Variants in ASTN1 observed in about 807,000 individuals in gnomAD.
ASTN1 encodes astrotactin 1.
ASTN1 carries 41 observed loss-of-function variants against 140.7 expected under a neutral mutation model. That is an observed-to-expected ratio of 0.29 (90% CI 0.23 to 0.38). ASTN1 has a LOEUF of 0.38. Ranked by LOEUF, ASTN1 falls within the 10% of genes least tolerant of loss-of-function variation. ASTN1 has a pLI of 1.00. For missense variants in ASTN1, 1,479 were observed against 1,678.8 expected (o/e 0.88, Z 2.08); for synonymous variants, 640 against 652.2 (o/e 0.98, Z 0.29).
At chr1:177,022,774 A>T (rs1490864837) in intron 7 of ASTN1, among the ~76,000 whole-genome samples, 1 of 152,246 alleles carries the variant, frequency 6.6e-6, no homozygotes, top group East Asian at 1.9e-4. Flanking sequence ...ATAATAGGGG[A>T]CTGTTTAAAT....
At chr1:177,059,620 T>TATCA (rs1379492441) in intron 2 of ASTN1, among the ~76,000 whole-genome samples, 1 of 152,216 alleles carries the variant, frequency 6.6e-6, no homozygotes, top group East Asian at 1.9e-4. Context: ...GCAGGTAACC[T>TATCA]ATCAAGCCAG....
intron 14 of ASTN1, among the ~76,000 whole-genome samples, chr1:176,940,183 A>T (rs1671655153): frequency 6.6e-6 from 1 of 152,166 alleles, no homozygotes. Flanking sequence ...CAATGGCCAG[A>T]TTATACATAA....
intron 20 of ASTN1, among the ~76,000 whole-genome samples, chr1:176,881,244 C>T (rs1158030901): frequency 6.6e-6 from 1 of 152,186 alleles, no homozygotes; most frequent in Non-Finnish European, 1.5e-5. Flanking sequence ...CAATAAACAG[C>T]ATTCACAGTT....
rs1193958247 is a variant in ASTN1 at position 176,994,730 on chromosome 1, C to T, written c.1523+20061G>A. 2.6e-5 allele frequency among the ~76,000 whole-genome samples: 4 copies of T among 152,124 alleles called. No homozygotes were observed. In the South Asian group the frequency reaches 6.2e-4, roughly 24 times the overall value. ...AACGGCCTTTGTGCTTCAATTTCTT[C>T]ACCTATAAAGTGGAGATGGATAATG... On this transcript the variant is annotated intron_variant, in intron 8 of 22. Coordinates refer to ENST00000361833, the MANE Select transcript of ASTN1 (RefSeq NM_004319.3).
At chr1:176,902,728 T>C (rs1167308431) in intron 16 of ASTN1, among the ~76,000 whole-genome samples, 1 of 152,288 alleles carries the variant, frequency 6.6e-6, no homozygotes, top group East Asian at 1.9e-4. Context: ...AAGAGATTAA[T>C]AAAACACAAA....
intron 2 of ASTN1, among the ~76,000 whole-genome samples, chr1:177,056,189 T>C (rs1046479215): frequency 1.3e-5 from 2 of 152,212 alleles, no homozygotes; most frequent in African/African-American, 4.8e-5. Flanking sequence ...GTGGGTTCTG[T>C]ACTGACTCAG....
At chr1:176,911,618 CA>C in intron 16 of ASTN1, among the ~76,000 whole-genome samples, 1 of 152,166 alleles carries the variant, frequency 6.6e-6, no homozygotes, top group East Asian at 1.9e-4. Context: ...TTTCCACCTC[CA>C]TATCTTGTCC....
intron 1 of ASTN1, among the ~76,000 whole-genome samples, chr1:177,090,497 A>G (rs915298488): frequency 3.3e-5 from 5 of 152,198 alleles, no homozygotes; most frequent in African/African-American, 1.2e-4. Context: ...ATGGATAAAT[A>G]AACCATCAGA....
intron 8 of ASTN1, among the ~76,000 whole-genome samples, chr1:176,992,064 A>G (rs1182167773): frequency 1.3e-5 from 2 of 152,214 alleles, no homozygotes; most frequent in Non-Finnish European, 2.9e-5. Context: ...ACAAATTCAA[A>G]GTCGTTAGTA....
chr1:176,884,869 T>A (rs770868553), intron 18 of ASTN1, among the ~76,000 whole-genome samples: 1 of 152,164 alleles, frequency 6.6e-6, no homozygotes, highest in Non-Finnish European at 1.5e-5. Context: ...CAAGAGAGTG[T>A]GTGTATACTG....
chr1:177,164,342 T>A, intron 1 of ASTN1, 52 bp downstream of exon 1: 1 of 1,226,090 alleles, frequency 8.2e-7, no homozygotes, highest in Non-Finnish European at 1.0e-6. Context: ...GAGTGGGGGG[T>A]GGGGGCGCCG....
chr1:176,890,948 C>T (rs1669233642), intron 17 of ASTN1, among the ~76,000 whole-genome samples: 2 of 151,890 alleles, frequency 1.3e-5, no homozygotes, highest in South Asian at 4.2e-4. Flanking sequence ...AATCTCCTGA[C>T]CCTGGTAGGC....
At chr1:176,922,264 C>T (rs1188473338) in intron 16 of ASTN1, among the ~76,000 whole-genome samples, 1 of 152,144 alleles carries the variant, frequency 6.6e-6, no homozygotes, top group Non-Finnish European at 1.5e-5. Context: ...TGTGAGGAAT[C>T]AGAGTTATCT....
chr1:176,868,655 G>C (rs1668220313), intron 22 of ASTN1, among the ~76,000 whole-genome samples, 189 bp downstream of exon 22: 1 of 152,170 alleles, frequency 6.6e-6, no homozygotes, highest in Admixed American at 6.5e-5. Flanking sequence ...TTCATGGCTG[G>C]ACTGCTTAAA....
intron 16 of ASTN1, among the ~76,000 whole-genome samples, chr1:176,925,306 G>A (rs907129024): frequency 1.2e-4 from 19 of 152,134 alleles, no homozygotes; most frequent in African/African-American, 4.3e-4. Flanking sequence ...GACAGTAAGA[G>A]AACACACAGC....
chr1:177,068,095 A>T lies in ASTN1; in HGVS notation c.284-6830T>A, dbSNP rs528728561. On this transcript the variant is annotated intron_variant, in intron 1 of 22. Coordinates refer to ENST00000361833, the MANE Select transcript of ASTN1 (RefSeq NM_004319.3). ...GTTTGTGCCTATATTGGCCTGGCTA[A>T]GTGAACAGCAATATGGAAAACAGCA... 2.0e-5 allele frequency among the ~76,000 whole-genome samples: 3 copies of T among 152,354 alleles called. No individual in the cohort carries two copies. In the East Asian group the frequency reaches 5.8e-4, roughly 29 times the overall value.
chr1:176,887,260 T>C (rs1395676416), intron 18 of ASTN1, among the ~76,000 whole-genome samples: 1 of 152,140 alleles, frequency 6.6e-6, no homozygotes. Flanking sequence ...ACACTGAACA[T>C]CCCCACACAC....
chr1:177,133,817 A>G (rs1225763266), intron 1 of ASTN1, among the ~76,000 whole-genome samples: 1 of 152,202 alleles, frequency 6.6e-6, no homozygotes, highest in Non-Finnish European at 1.5e-5. Flanking sequence ...TATAGATTGT[A>G]TGCTTATGCT....
intron 16 of ASTN1, among the ~76,000 whole-genome samples, chr1:176,899,938 C>T (rs1365070517): frequency 6.6e-6 from 1 of 152,166 alleles, no homozygotes; most frequent in Non-Finnish European, 1.5e-5. Flanking sequence ...ATCTTTTTCT[C>T]CACTTCTACA....
Sources: allele counts gnomAD v4.1 joint callset (sites outside exome capture counted in the v4.1 genomes callset), GRCh38; gene constraint gnomAD v4.1.1; transcripts MANE v1.5; gene names NCBI Gene and HGNC (gene_info 2026-07-23, HGNC 2026-07-21).